The following SLC22A13 variants were observed in gnomAD, a reference collection of about 807,000 sequenced individuals.
SLC22A13 encodes the protein solute carrier family 22 member 13.
Under a neutral mutation model 49.1 loss-of-function variants are expected in SLC22A13, and 42 were observed. The ratio of observed to expected loss-of-function variants is 0.85; its 90% CI spans 0.67 to 1.11. The LOEUF is 1.11. Among genes scored for constraint, SLC22A13 ranks in the 50% least tolerant of loss-of-function variants. The pLI is 0.00. For missense variants in SLC22A13, 694 were observed against 712.8 expected (o/e 0.97, Z 0.30); for synonymous variants, 282 against 293.1 (o/e 0.96, Z 0.39).
intron 1 of SLC22A13, among the ~76,000 whole-genome samples, chr3:38,272,000 T>C (rs1703528045): frequency 6.6e-6 from 1 of 152,082 alleles, no homozygotes; most frequent in Non-Finnish European, 1.5e-5. Flanking sequence ...CATCCCAAGT[T>C]GGAGCCCTCT....
At position 38,275,104 on chromosome 3, in the gene SLC22A13, G is replaced by C; in HGVS notation, c.753G>C (p.Arg251Ser). 4.3e-6 allele frequency: 7 copies of C among 1,614,244 alleles called. No individual in the cohort carries two copies. The highest frequency in any genetic ancestry group is 5.9e-6 in the Non-Finnish European group (7 of 1,180,044). The change falls in exon 4 of 10, where the codon AGG (arginine) becomes AGC (serine). Residue 251 changes from arginine (R) to serine (S), a missense_variant. Physicochemically the swap from Arg to Ser is moderately radical, Grantham distance 110 (BLOSUM62 -1). Transcript: ENST00000311856. ...AGLAYGFRNW[R>S]LLQITGTAPG... ...TCGCCTACGGTTTCCGCAACTGGAG[G>C]CTCCTTCAGATCACCGGCACTGCGC...
In SLC22A13 at chr3:38,274,732, G is replaced by C; in HGVS notation, c.611G>C (p.Gly204Ala). 2.5e-6 allele frequency: 4 copies of C among 1,614,120 alleles called. No homozygotes were observed. The highest frequency in any genetic ancestry group is 3.4e-6 in the Non-Finnish European group (4 of 1,179,996). Residue 204 changes from glycine (G) to alanine (A), a missense_variant, in exon 3 of 10, where the codon GGA becomes GCA. By Grantham distance (60) the Gly-to-Ala change is moderately conservative. Coordinates refer to ENST00000311856, the MANE Select transcript of SLC22A13 (RefSeq NM_004256.4). ...TTTGCTGTGGCTACTGCCGTCGCTGGACTTAGCTTCAGCAATGTCACCCTA... is the reference window on the plus strand; with the variant it reads ...TTTGCTGTGGCTACTGCCGTCGCTGCACTTAGCTTCAGCAATGTCACCCTA... Reference protein sequence around the residue: ...LRFAVATAVAGLSFSNVTLLT... With the variant: ...LRFAVATAVAALSFSNVTLLT...
At chr3:38,270,627 C>G (rs956248733) in intron 1 of SLC22A13, 3 of 168,322 alleles carry the variant, frequency 1.8e-5, no homozygotes, top group Non-Finnish European at 4.0e-5. Flanking sequence ...GCATATGGCT[C>G]TCCACCAACC....
At position 38,275,692 on chromosome 3, in the gene SLC22A13, G is replaced by T; in HGVS notation, c.1022+20G>T. ...TGTCTGGTGAGTGCCCAGAACCCGA[G>T]GACAGAACCACAGGGCTGCAGCCTC... On this transcript the variant is annotated intron_variant, in intron 6 of 9. Coordinates refer to ENST00000311856, the MANE Select transcript of SLC22A13 (RefSeq NM_004256.4). 1 of 1,610,226 alleles carries T rather than the reference G, an allele frequency of 6.2e-7. No homozygotes were observed. Among genetic ancestry groups the T allele is most frequent in the South Asian group, 1.1e-5 (1 of 90,732 alleles).
rs145058912 is a variant in SLC22A13 at position 38,275,086 on chromosome 3, C to T, written c.735C>T (p.Tyr245=). 2.5e-5 allele frequency: 41 copies of T among 1,614,136 alleles called. No individual in the cohort carries two copies. Among genetic ancestry groups the T allele is most frequent in the Middle Eastern group, 1.6e-4 (1 of 6,084 alleles). ...AGATGGTGCTTGCGGGACTCGCCTA[C>T]GGTTTCCGCAACTGGAGGCTCCTTC... ...LGQMVLAGLA[Y]GFRNWRLLQI... The change falls in exon 4 of 10, where the codon TAC becomes TAT. Residue 245 remains tyrosine (Y), a synonymous_variant. Coordinates refer to ENST00000311856, the MANE Select transcript of SLC22A13 (RefSeq NM_004256.4).
At chr3:38,275,187 C>A in intron 4 of SLC22A13, 30 bp downstream of exon 4, 1 of 1,612,594 alleles carries the variant, frequency 6.2e-7, no homozygotes, top group Non-Finnish European at 8.5e-7. Flanking sequence ...GGAGCAAGCC[C>A]CCCCAGGTTA....
Position 38,270,512 on chromosome 3 carries a change from C to T in SLC22A13, c.379-3760C>T, listed in dbSNP as rs567352702. On this transcript the variant is annotated intron_variant, in intron 1 of 9. Transcript: ENST00000311856. Reference sequence around the variant, plus strand: ...TTTCTTTCACATTTTTGAATGAGGACGGAGATACCACTGAAAAACTGACTA... The same window carrying T: ...TTTCTTTCACATTTTTGAATGAGGATGGAGATACCACTGAAAAACTGACTA... The T allele has an allele frequency of 1.6e-4, 35 of 214,438 alleles. No homozygotes were observed. In the South Asian group the frequency reaches 2.3e-3, roughly 14 times the overall value. The allele number at this position is 214,438 out of a possible 1,614,324, so 13.3% of individuals were successfully genotyped here.
chr3:38,274,716 G>T lies in SLC22A13; in HGVS notation c.595G>T (p.Ala199Ser), dbSNP rs756470256. 3 of 1,614,180 alleles carry T rather than the reference G, an allele frequency of 1.9e-6. No homozygotes were observed. Among genetic ancestry groups the T allele is most frequent in the South Asian group, 2.2e-5 (2 of 91,090 alleles). Residue 199 changes from alanine (A) to serine (S), a missense_variant, in exon 3 of 10, where the codon GCT becomes TCT. By Grantham distance (99) the Ala-to-Ser change is moderately conservative. Transcript: ENST00000311856. ...ELYMALRFAVATAVAGLSFSN... is the reference protein window; with the variant it reads ...ELYMALRFAVSTAVAGLSFSN... Reference sequence around the variant, plus strand: ...CTACATGGCCCTGCGCTTTGCTGTGGCTACTGCCGTCGCTGGACTTAGCTT... The same window carrying T: ...CTACATGGCCCTGCGCTTTGCTGTGTCTACTGCCGTCGCTGGACTTAGCTT...
Position 38,277,035 on chromosome 3 carries a change from C to G in SLC22A13, c.1470C>G (p.Ile490Met). The G allele has an allele frequency of 6.2e-7, 1 of 1,601,456 alleles. No homozygotes were observed. Among genetic ancestry groups the G allele is most frequent in the Non-Finnish European group, 8.5e-7 (1 of 1,174,214 alleles). Residue 490 changes from isoleucine to methionine, a missense_variant, in exon 9 of 10, where the codon ATC becomes ATG. Coordinates refer to ENST00000311856, the MANE Select transcript of SLC22A13 (RefSeq NM_004256.4). The stretch of plus-strand genomic sequence containing the variant: ...TGCTCATCTACGGCAGCCTCCCCAT[C>G]GTGGCCGGCCTGCTGTGCACCCTGC... ...LPMLIYGSLP[I>M]VAGLLCTLLP...
In SLC22A13 at chr3:38,266,309, C is replaced by T. The variant is rs1485248734; in HGVS notation, c.378+71C>T. On this transcript the variant is annotated intron_variant, in intron 1 of 9. Coordinates refer to ENST00000311856, the MANE Select transcript of SLC22A13 (RefSeq NM_004256.4). Reference sequence around the variant, plus strand: ...CAGGTCTTGTGCCTGACTCTTCGCCCTCAGTCACTGGCTCTGTATCTGCCC... The same window carrying T: ...CAGGTCTTGTGCCTGACTCTTCGCCTTCAGTCACTGGCTCTGTATCTGCCC... 7 of 1,543,244 alleles carry T rather than the reference C, an allele frequency of 4.5e-6. No individual in the cohort carries two copies. In the East Asian group the frequency reaches 9.0e-5, roughly 20 times the overall value.
At chr3:38,276,169 T>C (rs987364773) in intron 7 of SLC22A13, 73 bp downstream of exon 7, 66 of 1,504,170 alleles carry the variant, frequency 4.4e-5, no homozygotes, top group Non-Finnish European at 5.7e-5. Flanking sequence ...CCAGTGGCCA[T>C]TGTTCTGCTT....
chr3:38,277,346 C>A, intron 9 of SLC22A13, 26 bp from the exon 10 acceptor site: 1 of 1,564,216 alleles, frequency 6.4e-7, no homozygotes, highest in Non-Finnish European at 8.8e-7. Flanking sequence ...CCTGGGCAGC[C>A]AATGACAGCC....
At chr3:38,266,309 C>G in intron 1 of SLC22A13, 71 bp downstream of exon 1, 1 of 1,543,362 alleles carries the variant, frequency 6.5e-7, no homozygotes, top group Admixed American at 1.7e-5. Context: ...ACTCTTCGCC[C>G]TCAGTCACTG....
At chr3:38,276,858 C>A (rs1400280713) in intron 8 of SLC22A13, 54 bp from the exon 9 acceptor site, 1 of 1,496,328 alleles carries the variant, frequency 6.7e-7, no homozygotes, top group Non-Finnish European at 9.2e-7. Flanking sequence ...TAGGGTGAAG[C>A]TGAGGCCCAG....
Position 38,274,387 on chromosome 3 carries a change from GC to G in SLC22A13, c.482+15del, listed in dbSNP as rs1703552946. The G allele has an allele frequency of 1.2e-6, 2 of 1,607,952 alleles. No homozygotes were observed. The highest frequency in any genetic ancestry group is 8.5e-7 in the Non-Finnish European group (1 of 1,174,496). Reference sequence around the variant, plus strand: ...CCCCTCTGCGACCGGTAAGAACCTTGCCCTGCCCACTCCCTGCCTAGCAAGC... The same window carrying G: ...CCCCTCTGCGACCGGTAAGAACCTTGCCTGCCCACTCCCTGCCTAGCAAGC... On this transcript the variant is annotated intron_variant, in intron 2 of 9. Coordinates refer to ENST00000311856, the MANE Select transcript of SLC22A13 (RefSeq NM_004256.4).
Position 38,274,298 on chromosome 3 carries a change from C to A in SLC22A13, c.405C>A (p.His135Gln), listed in dbSNP as rs1267246418. 3 of 1,614,034 alleles carry A rather than the reference C, an allele frequency of 1.9e-6. No homozygotes were observed. The highest frequency in any genetic ancestry group is 2.5e-6 in the Non-Finnish European group (3 of 1,179,994). Residue 135 changes from histidine (H) to glutamine (Q), a missense_variant, in exon 2 of 10, where the codon CAC becomes CAA. Physicochemically the swap from His to Gln is conservative, Grantham distance 24. Coordinates refer to ENST00000311856, the MANE Select transcript of SLC22A13 (RefSeq NM_004256.4). ...NEFNLVCDRK[H>Q]LKDTTQSVFM... Reference sequence around the variant, plus strand: ...TCAACCTGGTTTGTGATCGGAAGCACCTGAAGGACACCACACAGTCAGTGT... The same window carrying A: ...TCAACCTGGTTTGTGATCGGAAGCAACTGAAGGACACCACACAGTCAGTGT...
rs1575392201 is a variant in SLC22A13, at chr3:38,276,206, TGG to T, written c.1238-79_1238-78del. 3 of 1,490,050 alleles carry T rather than the reference TGG, an allele frequency of 2.0e-6. No individual in the cohort carries two copies. In the East Asian group the frequency reaches 6.8e-5, roughly 34 times the overall value. 92.3% of individuals were successfully genotyped at this position (1,490,050 alleles called of 1,614,324 possible). ...CAGGAGTAAAGGCTTCCCGGGGGTT[TGG>T]GTACAGAAGGGGTGGGGAGTTCCAG... On this transcript the variant is annotated intron_variant, in intron 7 of 9. Coordinates refer to ENST00000311856, the MANE Select transcript of SLC22A13 (RefSeq NM_004256.4).
chr3:38,277,239 T>C (rs902709859), intron 9 of SLC22A13, 112 bp downstream of exon 9: 2 of 1,111,780 alleles, frequency 1.8e-6, no homozygotes, highest in Admixed American at 2.1e-5. Context: ...GAGGCTAATA[T>C]GGGGTCCTCC....
chr3:38,269,963 C>T (rs987538941), intron 1 of SLC22A13, among the ~76,000 whole-genome samples: 3 of 146,058 alleles, frequency 2.1e-5, no homozygotes, highest in Admixed American at 1.5e-4. Flanking sequence ...TGAGAATATA[C>T]GGTGTTTGGT....
Sources: allele counts gnomAD v4.1 joint callset (sites outside exome capture counted in the v4.1 genomes callset), GRCh38; gene constraint gnomAD v4.1.1; transcripts MANE v1.5; gene names NCBI Gene and HGNC (gene_info 2026-07-23, HGNC 2026-07-21).